The following NXN variants were observed in gnomAD, a reference collection of about 807,000 sequenced individuals.
The protein encoded by NXN is nucleoredoxin 1.
A neutral mutation model predicts 48.6 loss-of-function variants in NXN; 16 were observed. The ratio of observed to expected loss-of-function variants is 0.33; its 90% confidence interval spans 0.22 to 0.50. The LOEUF (loss-of-function observed/expected upper bound fraction) is 0.50. NXN is among the 20% of genes least tolerant of loss of function. The pLI, the probability that NXN is intolerant of heterozygous loss-of-function variation, is 0.98. For missense variants in NXN, 492 were observed against 605.5 expected (o/e 0.81, Z 1.97); for synonymous variants, 281 against 269.6 (o/e 1.04, Z -0.41).
At chr17:840,363 G>C (rs142039340) in intron 1 of NXN, among the ~76,000 whole-genome samples, 398 of 151,526 alleles carry the variant, frequency 2.6e-3, no homozygotes, top group Non-Finnish European at 4.4e-3. Context: ...TTCTTGAGAC[G>C]GAGTCTCGCT....
chr17:819,326 G>A (rs1912676180), intron 5 of NXN, 113 bp downstream of exon 5: 1 of 761,686 alleles, frequency 1.3e-6, no homozygotes, highest in Non-Finnish European at 2.3e-6. Flanking sequence ...AAAGGCACAT[G>A]AATATTCATG....
intron 1 of NXN, among the ~76,000 whole-genome samples, chr17:964,976 G>A (rs1247495712): frequency 6.6e-6 from 1 of 152,192 alleles, no homozygotes; most frequent in African/African-American, 2.4e-5. Context: ...GGCGGGGAGA[G>A]GGGTGTTGGG....
chr17:825,977 G>T lies in NXN; in HGVS notation c.462C>A (p.Ile154=). The change falls in exon 2 of 8, where the codon ATC becomes ATA. Residue 154 remains isoleucine (I), a synonymous_variant. Coordinates refer to ENST00000336868, the MANE Select transcript of NXN (RefSeq NM_022463.5). This position sits in a 1 kb window ranked among gnomAD's most constrained non-coding sequence, Gnocchi z 4.1. ...AGGTTTTACCTTCTGGGTCATCTCG[G>T]ATCACCAGCAGCCCGTTCCTGCACA... The part of the protein sequence containing the change: ...KVVCRNGLLV[I]RDDPEGLEFP... 6.2e-7 allele frequency: 1 copy of T among 1,611,786 alleles called. No individual in the cohort carries two copies.
intron 1 of NXN, among the ~76,000 whole-genome samples, chr17:868,145 C>T (rs541355597): frequency 3.9e-4 from 59 of 152,312 alleles, no homozygotes; most frequent in African/African-American, 1.3e-3. Flanking sequence ...CTTCATTCTT[C>T]AGGCTGCTTC....
chr17:904,428 C>G (rs1176588129), intron 1 of NXN, among the ~76,000 whole-genome samples: 5 of 101,842 alleles, frequency 4.9e-5, no homozygotes, highest in African/African-American at 1.9e-4. Flanking sequence ...GCCTCTTTTC[C>G]GAGGGCTGTA....
Position 876,633 on chromosome 17 carries a change from G to A in NXN, c.361-50555C>T, listed in dbSNP as rs116282733. Among the ~76,000 whole-genome samples, 600 of 152,318 alleles carry A rather than the reference G, an allele frequency of 3.9e-3. 2 individuals carry two copies. The highest frequency in any genetic ancestry group is 0.013 in the African/African-American group (534 of 41,564). On this transcript the variant is annotated intron_variant, in intron 1 of 7. Coordinates refer to ENST00000336868, the MANE Select transcript of NXN (RefSeq NM_022463.5). ...GGCGGGGAGCTCAACAGCGCTGTTA[G>A]TGTCGTTCGCTGATAATTACTTTCA...
chr17:806,060 G>A (rs946513822), intron 5 of NXN, among the ~76,000 whole-genome samples: 2 of 151,886 alleles, frequency 1.3e-5, no homozygotes, highest in African/African-American at 4.8e-5. Context: ...CCGCCGGGGG[G>A]AACCTGAGGC....
intron 1 of NXN, among the ~76,000 whole-genome samples, chr17:943,927 C>T (rs2069012189): frequency 6.6e-6 from 1 of 151,414 alleles, no homozygotes; most frequent in African/African-American, 2.4e-5. Context: ...CTCGACAATC[C>T]TTCTCCTAAA....
At chr17:940,321 T>C (rs8080357) in intron 1 of NXN, among the ~76,000 whole-genome samples, 34,846 of 151,834 alleles carry the variant, frequency 0.23, 4,476 homozygotes, top group Middle Eastern at 0.45. Context: ...CTCAAACTCC[T>C]GGGCTCAAGC....
At chr17:948,373 G>A (rs1481648628) in intron 1 of NXN, among the ~76,000 whole-genome samples, 2 of 152,058 alleles carry the variant, frequency 1.3e-5, no homozygotes, top group Non-Finnish European at 2.9e-5. Flanking sequence ...AGAAAAAAAA[G>A]AAGAAAATAA....
chr17:809,954 T>A (rs79117129), intron 5 of NXN, among the ~76,000 whole-genome samples: 2,229 of 88,440 alleles, frequency 0.025, 38 homozygotes, highest in East Asian at 0.047. Context: ...GTTACGAGTC[T>A]GTGTGAGTGG....
intron 1 of NXN, among the ~76,000 whole-genome samples, chr17:947,272 G>A (rs1031449515): frequency 2.6e-5 from 4 of 152,186 alleles, no homozygotes; most frequent in Non-Finnish European, 4.4e-5. Context: ...AGGTGCTGAT[G>A]TGAGATGGAC....
intron 1 of NXN, among the ~76,000 whole-genome samples, chr17:895,743 G>A (rs1484578722): frequency 1.3e-5 from 2 of 148,342 alleles, no homozygotes; most frequent in South Asian, 2.2e-4. Flanking sequence ...GCGTGAACCT[G>A]AGAGGCGGAG....
At chr17:819,841 T>C (rs540006824) in intron 4 of NXN, among the ~76,000 whole-genome samples, 1 of 152,246 alleles carries the variant, frequency 6.6e-6, no homozygotes, top group East Asian at 1.9e-4. Flanking sequence ...CACAGACAGG[T>C]CTTTCTTGCC....
intron 1 of NXN, among the ~76,000 whole-genome samples, chr17:938,785 C>A (rs140854111): frequency 6.6e-6 from 1 of 152,002 alleles, no homozygotes; most frequent in African/African-American, 2.4e-5. Flanking sequence ...ACAGGCTGGG[C>A]GCGGTGGCTC....
chr17:872,310 G>C (rs908744890), intron 1 of NXN, among the ~76,000 whole-genome samples: 1 of 85,462 alleles, frequency 1.2e-5, no homozygotes, highest in African/African-American at 4.2e-5. Flanking sequence ...AAGACTAGGA[G>C]AGAGAGAGAG....
intron 1 of NXN, among the ~76,000 whole-genome samples, chr17:870,413 T>G (rs934686944): frequency 1.3e-4 from 19 of 150,196 alleles, no homozygotes; most frequent in African/African-American, 4.1e-4. Flanking sequence ...TGAGGCGGCC[T>G]AAGGGAGCAT....
chr17:813,697 G>A (rs182557624), intron 5 of NXN, among the ~76,000 whole-genome samples: 24 of 152,222 alleles, frequency 1.6e-4, no homozygotes, highest in East Asian at 7.7e-4. Flanking sequence ...GGCCGGGCGC[G>A]GTGGCTCACG....
chr17:911,070 C>T (rs1234535529), intron 1 of NXN: 1 of 152,054 alleles, frequency 6.6e-6, no homozygotes, highest in East Asian at 1.9e-4. Context: ...CTCCAAGTTC[C>T]CACAGTGCAT....
Sources: allele counts gnomAD v4.1 joint callset (sites outside exome capture counted in the v4.1 genomes callset), GRCh38; gene constraint gnomAD v4.1.1; non-coding constraint Gnocchi (gnomAD v3.1); transcripts MANE v1.5; gene names NCBI Gene and HGNC (gene_info 2026-07-23, HGNC 2026-07-21).